Variants in CTTNBP2 observed in about 807,000 individuals in gnomAD.
CTTNBP2 encodes the protein cortactin-binding protein 2.
CTTNBP2 carries 108 observed loss-of-function variants against 156.9 expected under a neutral mutation model. The observed-to-expected ratio is 0.69, with a 90% CI of 0.59 to 0.81. The LOEUF is 0.81. Ranked by LOEUF, CTTNBP2 falls within the 30% of genes least tolerant of loss-of-function variation. The pLI, the probability that CTTNBP2 is intolerant of heterozygous loss-of-function variation, is 0.00. For missense variants in CTTNBP2, 1,924 were observed against 2,035.4 expected (o/e 0.95, Z 1.05); for synonymous variants, 767 against 751.8 (o/e 1.02, Z -0.33).
chr7:117,825,226 A>C (rs1801209280), intron 2 of CTTNBP2, among the ~76,000 whole-genome samples: 1 of 152,180 alleles, frequency 6.6e-6, no homozygotes, highest in African/African-American at 2.4e-5. Context: ...TGTGTTAAGG[A>C]TATGCAGTCT....
At chr7:117,739,116 C>T (rs1002963814) in intron 14 of CTTNBP2, among the ~76,000 whole-genome samples, 1 of 152,148 alleles carries the variant, frequency 6.6e-6, no homozygotes, top group East Asian at 1.9e-4. Flanking sequence ...ACCTACTTTT[C>T]CATCTGACCA....
intron 16 of CTTNBP2, among the ~76,000 whole-genome samples, chr7:117,729,762 T>C (rs913541356): frequency 1.3e-5 from 2 of 152,070 alleles, no homozygotes; most frequent in African/African-American, 4.8e-5. Context: ...CTGGCAGTCT[T>C]GAAGTACAGA....
intron 2 of CTTNBP2, among the ~76,000 whole-genome samples, chr7:117,840,483 C>T (rs553688127): frequency 6.6e-5 from 10 of 152,172 alleles, no homozygotes; most frequent in Middle Eastern, 3.4e-3. Flanking sequence ...GCCATGTTTG[C>T]GCCACTGCAC....
chr7:117,860,063 G>A (rs1310287223), intron 2 of CTTNBP2, among the ~76,000 whole-genome samples: 1 of 152,136 alleles, frequency 6.6e-6, no homozygotes. Flanking sequence ...ACATTCCACA[G>A]ATTTTCATAT....
intron 2 of CTTNBP2, among the ~76,000 whole-genome samples, chr7:117,856,389 T>C (rs1242582366): frequency 6.6e-6 from 1 of 152,210 alleles, no homozygotes; most frequent in Non-Finnish European, 1.5e-5. Context: ...CCACTTAGCA[T>C]GGAGCTGCCT....
intron 14 of CTTNBP2, among the ~76,000 whole-genome samples, chr7:117,736,703 A>T (rs757633167): frequency 2.6e-5 from 4 of 152,226 alleles, no homozygotes; most frequent in Non-Finnish European, 4.4e-5. Flanking sequence ...CACAAAACAT[A>T]CTTAAAACAG....
At chr7:117,858,048 A>C (rs1803447877) in intron 2 of CTTNBP2, among the ~76,000 whole-genome samples, 1 of 152,216 alleles carries the variant, frequency 6.6e-6, no homozygotes, top group Non-Finnish European at 1.5e-5. Flanking sequence ...AGAAATCACA[A>C]TTCTCAATTT....
At chr7:117,839,352 C>T (rs1802143489) in intron 2 of CTTNBP2, among the ~76,000 whole-genome samples, 2 of 152,124 alleles carry the variant, frequency 1.3e-5, no homozygotes, top group Admixed American at 6.5e-5. Flanking sequence ...AAGAAATTTC[C>T]TAACGTCACA....
chr7:117,813,398 T>C (rs1274449523), intron 2 of CTTNBP2, among the ~76,000 whole-genome samples: 1 of 152,172 alleles, frequency 6.6e-6, no homozygotes, highest in Non-Finnish European at 1.5e-5. Context: ...TCTAAATGCA[T>C]GGCCTTTGCG....
chr7:117,734,906 T>C lies in CTTNBP2; in HGVS notation c.3876+7A>G. The C allele has an allele frequency of 6.3e-7, 1 of 1,581,560 alleles. No homozygotes were observed. On this transcript the variant is annotated splice_region_variant and intron_variant, in intron 16 of 22. Coordinates refer to ENST00000160373, the MANE Select transcript of CTTNBP2 (RefSeq NM_033427.3). ...CCTGGCAACAGGCTGCACTTGCTGT[T>C]TGTTACCTTATTCACAACTTTCCTT...
At chr7:117,714,212 A>G (rs1794216300) in intron 22 of CTTNBP2, 1 of 152,236 alleles carries the variant, frequency 6.6e-6, no homozygotes, top group South Asian at 2.1e-4. Flanking sequence ...ATGAGAAGTT[A>G]CATTGCTTGT....
At chr7:117,802,196 TGA>T (rs1799657816) in intron 3 of CTTNBP2, among the ~76,000 whole-genome samples, 1 of 151,720 alleles carries the variant, frequency 6.6e-6, no homozygotes, top group South Asian at 2.1e-4. Context: ...CTGAGAATGA[TGA>T]TTCAATACAG....
intron 4 of CTTNBP2, among the ~76,000 whole-genome samples, chr7:117,784,927 G>T (rs1390526405): frequency 6.6e-6 from 1 of 152,026 alleles, no homozygotes; most frequent in Non-Finnish European, 1.5e-5. Flanking sequence ...TTTCAACAAG[G>T]TTTCTAAAAT....
chr7:117,856,625 G>A (rs188845409), intron 2 of CTTNBP2, among the ~76,000 whole-genome samples: 1 of 152,220 alleles, frequency 6.6e-6, no homozygotes, highest in Admixed American at 6.5e-5. Context: ...AGATTATATA[G>A]TTACTTTATA....
At chr7:117,796,581 C>T (rs979225817) in intron 3 of CTTNBP2, among the ~76,000 whole-genome samples, 3 of 152,106 alleles carry the variant, frequency 2.0e-5, no homozygotes, top group African/African-American at 4.8e-5. Context: ...CTGTATGATC[C>T]TAATTATGTT....
At chr7:117,825,665 T>C (rs1801235075) in intron 2 of CTTNBP2, among the ~76,000 whole-genome samples, 2 of 152,214 alleles carry the variant, frequency 1.3e-5, no homozygotes, top group Admixed American at 1.3e-4. Flanking sequence ...TTATGCAAAC[T>C]TGGGTTGGTT....
intron 16 of CTTNBP2, among the ~76,000 whole-genome samples, chr7:117,731,562 C>T (rs1459016996): frequency 6.6e-6 from 1 of 152,238 alleles, no homozygotes; most frequent in Non-Finnish European, 1.5e-5. Flanking sequence ...CCAGCTAACA[C>T]TGTTCTGATG....
In CTTNBP2 at chr7:117,792,928, T is replaced by A. The variant is rs912800066; in HGVS notation, c.415-147A>T. The A allele has an allele frequency of 1.9e-6, 1 of 532,406 alleles. No individual in the cohort carries two copies. The highest frequency in any genetic ancestry group is 1.9e-5 in the African/African-American group (1 of 51,462). 33.0% of individuals were successfully genotyped at this position (532,406 alleles called of 1,614,324 possible). ...GCCACATTTTCAAAAAGTGTTGTGA[T>A]AAGAAATATTTTAAAGACACATTAA... On this transcript the variant is annotated intron_variant, in intron 3 of 22. Transcript: ENST00000160373. The surrounding 1 kb of genome is among the most constrained non-coding windows in gnomAD (Gnocchi z 4.2).
intron 2 of CTTNBP2, among the ~76,000 whole-genome samples, chr7:117,847,396 C>T (rs550972622): frequency 2.4e-4 from 37 of 152,174 alleles, no homozygotes; most frequent in Middle Eastern, 3.4e-3. Flanking sequence ...CTTAGCTGGG[C>T]GTGGAGGTAC....
Sources: allele counts gnomAD v4.1 joint callset (sites outside exome capture counted in the v4.1 genomes callset), GRCh38; gene constraint gnomAD v4.1.1; non-coding constraint Gnocchi (gnomAD v3.1); transcripts MANE v1.5; gene names NCBI Gene and HGNC (gene_info 2026-07-23, HGNC 2026-07-21).